Variants in DNAH17 observed in about 807,000 individuals in gnomAD.
The protein encoded by DNAH17 is dynein axonemal heavy chain 17.
In DNAH17, 376 loss-of-function variants were observed where a neutral mutation model predicts 485.6. That is an observed-to-expected ratio of 0.77 (90% CI 0.71 to 0.84). The LOEUF (loss-of-function observed/expected upper bound fraction) is 0.84, where lower values mean the gene tolerates loss of function less well. DNAH17 is among the 40% of genes least tolerant of loss of function. The pLI, the probability that DNAH17 is intolerant of heterozygous loss-of-function variation, is 0.00. For synonymous variants in DNAH17, 3,031 were observed against 2,405.9 expected (o/e 1.26, Z -7.60); for missense variants, 6,370 against 5,839.3 (o/e 1.09, Z -2.96).
chr17:78,546,847 G>A (rs1454662475), intron 16 of DNAH17, among the ~76,000 whole-genome samples: 1 of 152,104 alleles, frequency 6.6e-6, no homozygotes, highest in Non-Finnish European at 1.5e-5. Flanking sequence ...GGAGGTTGCA[G>A]CAAGCCGAGA....
At chr17:78,574,677 G>A (rs745534825) in intron 2 of DNAH17, 36 bp downstream of exon 2, 1 of 1,550,828 alleles carries the variant, frequency 6.4e-7, no homozygotes, top group Non-Finnish European at 8.7e-7. Context: ...AGTCGGTCGT[G>A]CTCGACACCC....
At chr17:78,570,417 G>A in intron 6 of DNAH17, 45 bp from the exon 7 acceptor site, 1 of 1,585,704 alleles carries the variant, frequency 6.3e-7, no homozygotes, top group Non-Finnish European at 8.6e-7. Flanking sequence ...ACTGGCCGCT[G>A]CACCTTATCC....
rs538975759 is a variant in DNAH17 at position 78,425,655 on chromosome 17, C to T, written c.12916-84G>A. The T allele has an allele frequency of 9.5e-6, 12 of 1,268,866 alleles. No homozygotes were observed. In the Admixed American group the frequency reaches 1.5e-4, roughly 16 times the overall value. The allele number at this position is 1,268,866 out of a possible 1,614,324, so 78.6% of individuals were successfully genotyped here. ...GGCCTTGGCCGTTCTGAGCAGGGGT[C>T]ACGCCAGAACCTTCCACGGGCCACT... On this transcript the variant is annotated intron_variant, in intron 79 of 80. Transcript: ENST00000389840.
At chr17:78,557,636 C>CAAAAAAAAAAAAAAA (rs34251460) in intron 14 of DNAH17, among the ~76,000 whole-genome samples, 18 of 29,038 alleles carry the variant, frequency 6.2e-4, no homozygotes, top group Non-Finnish European at 1.1e-3. Context: ...GAGACTGTCT[C>CAAAAAAAAAAAAAAA]AAAAAAAAAA....
chr17:78,425,539 C>T lies in DNAH17; in HGVS notation c.12948G>A (p.Leu4316=). ...ELEAWTTDFA[L]PTTVWLAGFF... ...AGCCGGCCAGCCACACGGTGGTGGG[C>T]AGGGCAAAGTCTGTCGTCCAGGCCT... The change falls in exon 80 of 81, where the codon CTG becomes CTA. Residue 4316 remains leucine, a synonymous_variant. Transcript: ENST00000389840. 8 of 1,613,246 alleles carry T rather than the reference C, an allele frequency of 5.0e-6. No individual in the cohort carries two copies. The highest frequency in any genetic ancestry group is 1.7e-5 in the Admixed American group (1 of 59,984).
In DNAH17 at chr17:78,558,119, A is replaced by T; in HGVS notation, c.2167T>A (p.Trp723Arg). 3.1e-6 allele frequency: 5 copies of T among 1,613,454 alleles called. No homozygotes were observed. The highest frequency in any genetic ancestry group is 4.2e-6 in the Non-Finnish European group (5 of 1,179,676). The change falls in exon 14 of 81, where the codon TGG (tryptophan) becomes AGG (arginine). Residue 723 changes from tryptophan (W) to arginine (R), a missense_variant. Transcript: ENST00000389840. Reference protein sequence around the residue: ...FVGNLELIVGWYNEIKTIVKA... With the variant: ...FVGNLELIVGRYNEIKTIVKA... ...ACTCACCAACTCACCTCATTATACCAGCCAACGATGAGCTCCAGGTTGCCC... is the reference window on the plus strand; with the variant it reads ...ACTCACCAACTCACCTCATTATACCTGCCAACGATGAGCTCCAGGTTGCCC...
intron 44 of DNAH17, among the ~76,000 whole-genome samples, chr17:78,486,851 C>T (rs1248377803): frequency 6.6e-6 from 1 of 152,084 alleles, no homozygotes; most frequent in Non-Finnish European, 1.5e-5. Context: ...GGAGAAAGAT[C>T]TCATGATGTC....
chr17:78,569,178 G>GT lies in DNAH17; in HGVS notation c.1271_1272insA (p.Gln425ProfsTer4). On this transcript the variant is annotated frameshift_variant, in exon 9 of 81. Transcript: ENST00000389840. LOFTEE classifies it high-confidence loss of function. ...GTTCTGTTTTTACCTCAATGGTCTG[G>GT]ATGCGCTGGAAGAAGGAATTTATCC... 6.2e-7 allele frequency: 1 copy of GT among 1,603,622 alleles called. No individual in the cohort carries two copies. Among genetic ancestry groups the GT allele is most frequent in the Non-Finnish European group, 8.5e-7 (1 of 1,174,956 alleles).
At chr17:78,501,426 G>A (rs956837211) in intron 34 of DNAH17, 82 bp from the exon 35 acceptor site, 98 of 1,486,358 alleles carry the variant, frequency 6.6e-5, no homozygotes, top group Admixed American at 6.0e-4. Context: ...TGCCTCCAAG[G>A]CCGGTCCCCT....
intron 11 of DNAH17, 52 bp from the exon 12 acceptor site, chr17:78,562,032 C>T (rs1016789518): frequency 6.6e-7 from 1 of 1,507,966 alleles, no homozygotes; most frequent in Admixed American, 2.2e-5. Context: ...TCCCCTTCCC[C>T]AGCCTGTGGC....
At chr17:78,458,733 C>T (rs2087932400) in intron 61 of DNAH17, 53 bp from the exon 62 acceptor site, 2 of 1,495,644 alleles carry the variant, frequency 1.3e-6, no homozygotes, top group Admixed American at 3.4e-5. Context: ...CATCTCTAGC[C>T]CCCTGCAGCG....
Position 78,428,530 on chromosome 17 carries a change from C to G in DNAH17, c.12583G>C (p.Glu4195Gln), listed in dbSNP as rs1314415630. 6.2e-7 allele frequency: 1 copy of G among 1,603,160 alleles called. No homozygotes were observed. The highest frequency in any genetic ancestry group is 8.5e-7 in the Non-Finnish European group (1 of 1,175,162). ...SGAGTGVSRE[E>Q]KVKAVLDDIL... Reference sequence around the variant, plus strand: ...AGCAGTTTCAAAGATCCTGCCTTCTCCTCGCGGGACACTCCCGTGCCTGCC... The same window carrying G: ...AGCAGTTTCAAAGATCCTGCCTTCTGCTCGCGGGACACTCCCGTGCCTGCC... Residue 4195 changes from glutamate to glutamine, a missense_variant, in exon 77 of 81, where the codon GAG becomes CAG. Coordinates refer to ENST00000389840, the MANE Select transcript of DNAH17 (RefSeq NM_173628.4).
chr17:78,426,986 T>C lies in DNAH17; in HGVS notation c.12711A>G (p.Arg4237=). ...YVVVAFQECE[R]MNILTNEMRR... Reference sequence around the variant, plus strand: ...GCATTTCGTTGGTCAGGATGTTCATTCTTTCACATTCTTGAAAGGCGACTA... The same window carrying C: ...GCATTTCGTTGGTCAGGATGTTCATCCTTTCACATTCTTGAAAGGCGACTA... Residue 4237 remains arginine, a synonymous_variant, in exon 78 of 81, where the codon AGA becomes AGG. Coordinates refer to ENST00000389840, the MANE Select transcript of DNAH17 (RefSeq NM_173628.4). The C allele has an allele frequency of 6.2e-7, 1 of 1,610,640 alleles. No individual in the cohort carries two copies. The highest frequency in any genetic ancestry group is 8.5e-7 in the Non-Finnish European group (1 of 1,178,512).
chr17:78,480,012 A>AG (rs1568122167), intron 49 of DNAH17, among the ~76,000 whole-genome samples: 4 of 63,496 alleles, frequency 6.3e-5, no homozygotes, highest in Admixed American at 2.1e-4. Context: ...AACAACAAGT[A>AG]CTTTTTTTTT....
intron 1 of DNAH17, among the ~76,000 whole-genome samples, chr17:78,575,784 G>A (rs1371021500): frequency 2.6e-5 from 4 of 152,214 alleles, no homozygotes; most frequent in African/African-American, 9.7e-5. Flanking sequence ...GTTTAGGCAA[G>A]TGAGGTACTT....
In DNAH17 at chr17:78,448,944, G is replaced by A. The variant is rs538994720; in HGVS notation, c.11211+470C>T. Among the ~76,000 whole-genome samples the A allele has an allele frequency of 1.5e-3, 225 of 152,248 alleles. 1 individual carries two copies. The highest frequency in any genetic ancestry group is 1.9e-3 in the Non-Finnish European group (131 of 68,016). Reference sequence around the variant, plus strand: ...CAGCCTTGGGTATTCTGTTATAGCCGCACAAAACAAATTAAGACAGGCTGT... The same window carrying A: ...CAGCCTTGGGTATTCTGTTATAGCCACACAAAACAAATTAAGACAGGCTGT... On this transcript the variant is annotated intron_variant, in intron 69 of 80. Coordinates refer to ENST00000389840, the MANE Select transcript of DNAH17 (RefSeq NM_173628.4).
intron 71 of DNAH17, among the ~76,000 whole-genome samples, chr17:78,443,841 A>G (rs1255271140): frequency 6.6e-6 from 1 of 152,192 alleles, no homozygotes; most frequent in Non-Finnish European, 1.5e-5. Flanking sequence ...CCTGGCCATC[A>G]GAGGGTAATT....
At chr17:78,466,882 C>A in intron 55 of DNAH17, 66 bp from the exon 56 acceptor site, 1 of 1,418,724 alleles carries the variant, frequency 7.0e-7, no homozygotes, top group East Asian at 2.8e-5. Context: ...ATCCATCACT[C>A]TGCAGAAAGC....
intron 51 of DNAH17, among the ~76,000 whole-genome samples, chr17:78,477,947 ATTATCATCT>A (rs1173880871): frequency 0.013 from 1,866 of 143,712 alleles, 83 homozygotes; most frequent in African/African-American, 0.05. Flanking sequence ...CACCATCACC[ATTATCATCT>A]CCACCATCAC....
Sources: gnomAD v4.1 joint callset for allele counts (sites outside exome capture counted in the v4.1 genomes callset) on GRCh38, gnomAD v4.1.1 for gene constraint, MANE v1.5 for transcripts, NCBI Gene and HGNC (gene_info 2026-07-23, HGNC 2026-07-21) for gene names.